The following ULK4 variants were observed in gnomAD, a reference collection of about 807,000 sequenced individuals.
ULK4 encodes the protein unc-51 like kinase 4.
A neutral mutation model predicts 160.6 loss-of-function variants in ULK4; 133 were observed. The observed-to-expected ratio is 0.83, with a 90% CI of 0.72 to 0.96. The LOEUF is 0.96. Among genes scored for constraint, ULK4 ranks in the 40% least tolerant of loss-of-function variants. ULK4 has a pLI of 0.00. For missense variants in ULK4, 1,580 were observed against 1,499.5 expected (o/e 1.05, Z -0.89); for synonymous variants, 534 against 539.8 (o/e 0.99, Z 0.15).
chr3:41,314,166 T>C (rs1343498067), intron 35 of ULK4, among the ~76,000 whole-genome samples: 3 of 152,228 alleles, frequency 2.0e-5, no homozygotes, highest in Non-Finnish European at 4.4e-5. Flanking sequence ...GTCAGCAAGA[T>C]AAATGTTATC....
chr3:41,618,130 G>C (rs1424642732), intron 30 of ULK4, among the ~76,000 whole-genome samples: 2 of 152,142 alleles, frequency 1.3e-5, no homozygotes, highest in African/African-American at 4.8e-5. Context: ...TATGTGAAAA[G>C]ACCAAACCTA....
chr3:41,361,718 T>G (rs190496552), intron 35 of ULK4, among the ~76,000 whole-genome samples: 1 of 152,212 alleles, frequency 6.6e-6, no homozygotes, highest in African/African-American at 2.4e-5. Context: ...CATTTTTGCA[T>G]GAGTATGAAA....
chr3:41,279,318 G>C (rs1481236738), intron 35 of ULK4, among the ~76,000 whole-genome samples: 2 of 138,950 alleles, frequency 1.4e-5, no homozygotes, highest in East Asian at 2.2e-4. Flanking sequence ...TATGTGAAAA[G>C]ACCAAATCTA....
Position 41,472,294 on chromosome 3 carries a change from C to T in ULK4, c.3227-9041G>A, listed in dbSNP as rs369756252. Among the ~76,000 whole-genome samples the T allele has an allele frequency of 5.3e-5, 8 of 152,160 alleles. No individual in the cohort carries two copies. In the South Asian group the frequency reaches 1.5e-3, roughly 28 times the overall value. ...AAAGAAAAAGAAAATCTGGGCTGGG[C>T]ATGGTGGCTCATGCCTGTAATCCCA... On this transcript the variant is annotated intron_variant, in intron 32 of 36. Transcript: ENST00000301831.
intron 17 of ULK4, among the ~76,000 whole-genome samples, chr3:41,858,817 T>TCCC (rs140811588): frequency 9.9e-5 from 15 of 151,280 alleles, no homozygotes; most frequent in Admixed American, 6.6e-4. Context: ...AATTCTTTTT[T>TCCC]CCCCCCCATA....
chr3:41,750,708 TG>T (rs1378822127), intron 22 of ULK4, among the ~76,000 whole-genome samples: 50 of 152,190 alleles, frequency 3.3e-4, no homozygotes, highest in African/African-American at 1.2e-3. Flanking sequence ...AAGAAATGCC[TG>T]GTCTGGCCGG....
At chr3:41,614,775 A>AT (rs1272342444) in intron 31 of ULK4, among the ~76,000 whole-genome samples, 1 of 152,202 alleles carries the variant, frequency 6.6e-6, no homozygotes, top group African/African-American at 2.4e-5. Context: ...CACACAAACG[A>AT]TTTATAGAAT....
rs1299198030 is a variant in ULK4 at position 41,840,278 on chromosome 3, A to T, written c.1657-4307T>A. ...ACCCTGTCTCTACAAAAATAATTTT[A>T]AAAAAAGAGTTAGCCAGGCATGGTG... On this transcript the variant is annotated intron_variant, in intron 17 of 36. Transcript: ENST00000301831. Among the ~76,000 whole-genome samples, 5 of 152,172 alleles carry T rather than the reference A, an allele frequency of 3.3e-5. No individual in the cohort carries two copies. In the East Asian group the frequency reaches 5.8e-4, roughly 18 times the overall value.
At chr3:41,875,218 G>A (rs1403437579) in intron 17 of ULK4, among the ~76,000 whole-genome samples, 1 of 152,028 alleles carries the variant, frequency 6.6e-6, no homozygotes, top group East Asian at 1.9e-4. Flanking sequence ...AACAATAATG[G>A]TGAAAATAAT....
chr3:41,804,751 A>G (rs1476255473), intron 19 of ULK4, among the ~76,000 whole-genome samples: 2 of 152,154 alleles, frequency 1.3e-5, no homozygotes, highest in Non-Finnish European at 2.9e-5. Context: ...TGCTTTCCCC[A>G]TTGCTTGTTT....
chr3:41,466,849 A>G (rs558016018), intron 32 of ULK4, among the ~76,000 whole-genome samples: 28 of 152,228 alleles, frequency 1.8e-4, no homozygotes, highest in African/African-American at 6.5e-4. Context: ...AATTCCCACA[A>G]CTCGATAATA....
At chr3:41,625,829 A>G (rs1050728102) in intron 30 of ULK4, among the ~76,000 whole-genome samples, 2 of 152,224 alleles carry the variant, frequency 1.3e-5, no homozygotes, top group African/African-American at 4.8e-5. Flanking sequence ...ATTTTTTTAA[A>G]CCAAAACCAA....
intron 25 of ULK4, among the ~76,000 whole-genome samples, chr3:41,711,982 A>C (rs1295182647): frequency 2.0e-5 from 3 of 152,216 alleles, no homozygotes; most frequent in Non-Finnish European, 4.4e-5. Context: ...GAAAATAGCA[A>C]TTATCAGCTG....
At chr3:41,924,931 A>G (rs1401653676) in intron 5 of ULK4, among the ~76,000 whole-genome samples, 1 of 152,160 alleles carries the variant, frequency 6.6e-6, no homozygotes, top group African/African-American at 2.4e-5. Flanking sequence ...CAGAGCTTCA[A>G]TGGCCCAAAG....
intron 16 of ULK4, among the ~76,000 whole-genome samples, chr3:41,893,205 G>T (rs1698029972): frequency 6.6e-6 from 1 of 152,122 alleles, no homozygotes. Context: ...AAAAGTTTTG[G>T]AAATGAATAG....
rs765833010 is a variant in ULK4 at position 41,715,545 on chromosome 3, T to G, written c.2479A>C (p.Asn827His). The change falls in exon 24 of 37, where the codon AAT becomes CAT. Residue 827 changes from asparagine (N) to histidine (H), a missense_variant. Coordinates refer to ENST00000301831, the MANE Select transcript of ULK4 (RefSeq NM_017886.4). ...ILGDILNSLANVSGRKHPSTV... is the reference protein window; with the variant it reads ...ILGDILNSLAHVSGRKHPSTV... ...GATGGGTGTTTACGTCCAGAAACAT[T>G]AGCCAAGGAGTTAAGAATGTCACCT... 1.9e-6 allele frequency: 3 copies of G among 1,614,146 alleles called. No homozygotes were observed. The highest frequency in any genetic ancestry group is 1.1e-5 in the South Asian group (1 of 91,080).
rs542143546 is a variant in ULK4, at chr3:41,911,518, G to A, written c.1015+23C>T. 3 of 1,599,380 alleles carry A rather than the reference G, an allele frequency of 1.9e-6. No homozygotes were observed. In the East Asian group the frequency reaches 6.7e-5, roughly 36 times the overall value. Reference sequence around the variant, plus strand: ...TCTCAAACAACATTCTAAGTAGCATGAATGTGCTCAAATAAAACTTACCTA... The same window carrying A: ...TCTCAAACAACATTCTAAGTAGCATAAATGTGCTCAAATAAAACTTACCTA... On this transcript the variant is annotated intron_variant, in intron 10 of 36. Transcript: ENST00000301831.
At chr3:41,809,165 C>CA (rs147555860) in intron 19 of ULK4, among the ~76,000 whole-genome samples, 115 of 100,406 alleles carry the variant, frequency 1.1e-3, no homozygotes, top group East Asian at 7.4e-3. Flanking sequence ...GACTCCGTCT[C>CA]AAAAAAAAAA....
intron 32 of ULK4, among the ~76,000 whole-genome samples, chr3:41,552,049 C>T (rs1012191984): frequency 2.0e-5 from 3 of 151,802 alleles, no homozygotes; most frequent in Admixed American, 6.6e-5. Context: ...GGTATTAACA[C>T]GGTTCAATAT....
Sources: gnomAD v4.1 joint callset for allele counts (sites outside exome capture counted in the v4.1 genomes callset) on GRCh38, gnomAD v4.1.1 for gene constraint, MANE v1.5 for transcripts, NCBI Gene and HGNC (gene_info 2026-07-23, HGNC 2026-07-21) for gene names.